Variants in CCDC171 observed in about 807,000 individuals in gnomAD.
CCDC171 encodes coiled-coil domain containing 171.
Under a neutral mutation model 168.2 loss-of-function variants are expected in CCDC171, and 177 were observed. The ratio of observed to expected loss-of-function variants is 1.05; its 90% confidence interval spans 0.93 to 1.19. The LOEUF is 1.19. Ranked by LOEUF, CCDC171 falls within the 50% of genes most tolerant of loss-of-function variation. CCDC171 has a pLI of 0.00. For synonymous variants in CCDC171, 687 were observed against 540.8 expected, an observed-to-expected ratio of 1.27 and a Z score of -3.75; for missense variants, 1,991 against 1,539.0, an observed-to-expected ratio of 1.29 and a Z score of -4.91.
intron 9 of CCDC171, among the ~76,000 whole-genome samples, chr9:15,674,117 A>G (rs896096477): frequency 6.6e-6 from 1 of 151,856 alleles, no homozygotes; most frequent in Non-Finnish European, 1.5e-5. Context: ...TTTCTTCTAG[A>G]TTTTCTAGTT....
intron 18 of CCDC171, among the ~76,000 whole-genome samples, chr9:15,748,331 C>G (rs971318115): frequency 2.2e-4 from 34 of 152,166 alleles, no homozygotes; most frequent in Non-Finnish European, 1.5e-4. Context: ...TGTGAAAAGA[C>G]CAAATCTGTG....
rs376037338 is a variant in CCDC171, at chr9:15,679,440, G to A, written c.1215+544G>A. ...GCCAGCTTCTTGTTGTATAATCTCAGGACCTTTTCCTTTTGTCTTCATATT... is the reference window on the plus strand; with the variant it reads ...GCCAGCTTCTTGTTGTATAATCTCAAGACCTTTTCCTTTTGTCTTCATATT... On this transcript the variant is annotated intron_variant, in intron 10 of 25. Coordinates refer to ENST00000380701, the MANE Select transcript of CCDC171 (RefSeq NM_173550.4). Among the ~76,000 whole-genome samples, 11 of 151,974 alleles carry A rather than the reference G, an allele frequency of 7.2e-5. No homozygotes were observed. The East Asian group carries it at 1.2e-3, about 16-fold the overall frequency.
At chr9:16,038,938 A>T (rs1833526156), upstream of CCDC171, among the ~76,000 whole-genome samples, 1 of 151,796 alleles carries the variant, frequency 6.6e-6, no homozygotes, top group Non-Finnish European at 1.5e-5. Context: ...ATGATTACTG[A>T]TAAAGGTTGT....
chr9:15,952,622 C>T (rs1829329620), intron 25 of CCDC171, among the ~76,000 whole-genome samples: 1 of 152,056 alleles, frequency 6.6e-6, no homozygotes, highest in Non-Finnish European at 1.5e-5. Context: ...GTCTTGAACT[C>T]CCAACCTCAG....
intron 25 of CCDC171, among the ~76,000 whole-genome samples, chr9:15,959,015 T>C (rs1830090214): frequency 6.6e-6 from 1 of 152,144 alleles, no homozygotes; most frequent in African/African-American, 2.4e-5. Flanking sequence ...TTCTTCACTC[T>C]CTGTGAGTTT....
At chr9:15,798,138 A>G (rs1462474551) in intron 21 of CCDC171, among the ~76,000 whole-genome samples, 1 of 152,128 alleles carries the variant, frequency 6.6e-6, no homozygotes, top group Non-Finnish European at 1.5e-5. Flanking sequence ...ATTTGGGTCC[A>G]TTGAATTTCT....
chr9:15,605,734 G>T (rs1439779508), intron 6 of CCDC171, among the ~76,000 whole-genome samples: 2 of 150,098 alleles, frequency 1.3e-5, no homozygotes, highest in Non-Finnish European at 3.0e-5. Context: ...AAATTTAAAA[G>T]CAAGAAAGTA....
the CCDC171 span, among the ~76,000 whole-genome samples, chr9:16,088,252 C>G: frequency 0.014 from 2,138 of 152,198 alleles, 23 homozygotes; most frequent in South Asian, 0.046. Context: ...TATGACACAC[C>G]CACAGCCAAT....
At chr9:15,897,946 C>T (rs1287512035) in intron 24 of CCDC171, among the ~76,000 whole-genome samples, 1 of 152,140 alleles carries the variant, frequency 6.6e-6, no homozygotes, top group African/African-American at 2.4e-5. Flanking sequence ...CTGGGTGACA[C>T]TGGACAAGGT....
intron 1 of CCDC171, among the ~76,000 whole-genome samples, chr9:16,052,741 T>C (rs188097485): frequency 3.1e-4 from 47 of 152,232 alleles, no homozygotes; most frequent in Admixed American, 9.2e-4. Context: ...TATCACTTTC[T>C]CTTTCTTCCC....
Position 15,954,019 on chromosome 9 carries a change from T to C in CCDC171, c.3754-17590T>C, listed in dbSNP as rs554431863. Among the ~76,000 whole-genome samples, 5 of 152,134 alleles carry C rather than the reference T, an allele frequency of 3.3e-5. No homozygotes were observed. The East Asian group carries it at 7.7e-4, about 23-fold the overall frequency. On this transcript the variant is annotated intron_variant, in intron 25 of 25. Coordinates refer to ENST00000380701, the MANE Select transcript of CCDC171 (RefSeq NM_173550.4). Reference sequence around the variant, plus strand: ...TCCCCCTGTGGAACTGGTACTAATATCCCCACTTTCTCTTTTGATATTAGT... The same window carrying C: ...TCCCCCTGTGGAACTGGTACTAATACCCCCACTTTCTCTTTTGATATTAGT...
chr9:15,680,221 G>C (rs1203112142), intron 10 of CCDC171, among the ~76,000 whole-genome samples: 1 of 152,172 alleles, frequency 6.6e-6, no homozygotes, highest in East Asian at 1.9e-4. Context: ...TTGTTCGATG[G>C]ATTTATTTGG....
At chr9:15,965,487 G>A (rs1405828100) in intron 25 of CCDC171, among the ~76,000 whole-genome samples, 1 of 152,160 alleles carries the variant, frequency 6.6e-6, no homozygotes. Flanking sequence ...TGCAACCTGT[G>A]GCAATTTATT....
At chr9:16,088,110 A>G in the CCDC171 span, among the ~76,000 whole-genome samples, 1 of 152,220 alleles carries the variant, frequency 6.6e-6, no homozygotes, top group Non-Finnish European at 1.5e-5. Flanking sequence ...AAACAGACCC[A>G]ATGACAAAAA....
intron 1 of CCDC171, among the ~76,000 whole-genome samples, chr9:15,561,576 C>T (rs1389507272): frequency 6.6e-6 from 1 of 152,110 alleles, no homozygotes; most frequent in African/African-American, 2.4e-5. Flanking sequence ...TCATTACTAT[C>T]CTGTAACTCT....
chr9:15,658,032 T>C (rs1236216661), intron 8 of CCDC171, among the ~76,000 whole-genome samples: 2 of 152,220 alleles, frequency 1.3e-5, no homozygotes, highest in African/African-American at 2.4e-5. Flanking sequence ...ACAGACCTTA[T>C]GGTCCACAAA....
intron 21 of CCDC171, among the ~76,000 whole-genome samples, chr9:15,801,285 C>T (rs968949307): frequency 1.3e-5 from 2 of 151,902 alleles, no homozygotes; most frequent in Non-Finnish European, 2.9e-5. Flanking sequence ...CTTTTCCATT[C>T]TTTCAATCAT....
chr9:16,070,309 A>G, the CCDC171 span, among the ~76,000 whole-genome samples: 1 of 152,148 alleles, frequency 6.6e-6, no homozygotes, highest in South Asian at 2.1e-4. Flanking sequence ...TCGGCAAACA[A>G]TTGGTGGGTC....
intron 1 of CCDC171, among the ~76,000 whole-genome samples, chr9:16,053,702 G>A (rs1310320437): frequency 6.6e-6 from 1 of 152,232 alleles, no homozygotes; most frequent in South Asian, 2.1e-4. Context: ...AAAGGCTGCA[G>A]TGTGGGGCCG....
Sources: gnomAD v4.1 joint callset for allele counts (sites outside exome capture counted in the v4.1 genomes callset) on GRCh38, gnomAD v4.1.1 for gene constraint, MANE v1.5 for transcripts, NCBI Gene and HGNC (gene_info 2026-07-23, HGNC 2026-07-21) for gene names.